Variants in SLC4A7 observed in about 807,000 individuals in gnomAD.
SLC4A7 encodes the protein solute carrier family 4 member 7.
A neutral mutation model predicts 137.6 loss-of-function variants in SLC4A7; 51 were observed. The ratio of observed to expected loss-of-function variants is 0.37; its 90% CI spans 0.30 to 0.47. The LOEUF is 0.47. SLC4A7 is among the 20% of genes least tolerant of loss of function. The pLI, the probability that SLC4A7 is intolerant of heterozygous loss-of-function variation, is 1.00. For missense variants in SLC4A7, 1,247 were observed against 1,525.4 expected, an observed-to-expected ratio of 0.82 and a Z score of 3.04; for synonymous variants, 542 against 518.6, an observed-to-expected ratio of 1.05 and a Z score of -0.61.
intron 23 of SLC4A7, among the ~76,000 whole-genome samples, chr3:27,385,157 C>T (rs942011036): frequency 6.6e-6 from 1 of 151,982 alleles, no homozygotes; most frequent in Non-Finnish European, 1.5e-5. Context: ...ATGTGTCTTT[C>T]TTATCTTTGA....
intron 13 of SLC4A7, among the ~76,000 whole-genome samples, chr3:27,406,121 A>G (rs976298856): frequency 6.6e-6 from 1 of 152,250 alleles, no homozygotes; most frequent in Non-Finnish European, 1.5e-5. Context: ...GCAACAGGCA[A>G]AGAGGAGGGC....
chr3:27,425,703 AAAAT>A (rs1355230133), intron 7 of SLC4A7, among the ~76,000 whole-genome samples: 43 of 145,814 alleles, frequency 2.9e-4, no homozygotes, highest in Non-Finnish European at 4.9e-4. Context: ...AAAAAAAAAA[AAAAT>A]TTAAATTCAA....
chr3:27,467,956 A>C (rs1220384683), intron 1 of SLC4A7, among the ~76,000 whole-genome samples: 1 of 152,214 alleles, frequency 6.6e-6, no homozygotes, highest in East Asian at 1.9e-4. Flanking sequence ...ATACTAGCCA[A>C]ATTTAGGATA....
At chr3:27,445,470 G>A (rs921214482) in intron 3 of SLC4A7, among the ~76,000 whole-genome samples, 6 of 152,022 alleles carry the variant, frequency 3.9e-5, no homozygotes, top group Non-Finnish European at 5.9e-5. Flanking sequence ...CCAAAGTCCT[G>A]TGCTGCCTCT....
At position 27,484,067 on chromosome 3, in the gene SLC4A7, C is replaced by T. The variant is rs527663353; in HGVS notation, c.60G>A (p.Arg20=). 153 of 1,409,264 alleles carry T rather than the reference C, an allele frequency of 1.1e-4. 1 individual carries two copies. The East Asian group carries it at 3.2e-3, about 29-fold the overall frequency. 87.3% of individuals were successfully genotyped at this position (1,409,264 alleles called of 1,614,324 possible). The change falls in exon 1 of 26, where the codon AGG becomes AGA. Residue 20 remains arginine, a splice_region_variant and synonymous_variant. Coordinates refer to ENST00000454389, the MANE Select transcript of SLC4A7 (RefSeq NM_001321103.2). Reference sequence around the variant, plus strand: ...AGCCCCACCGCCGCGGCGCCCTCACCCTGCTCGTTACCCGGGTGAGTAGCG... The same window carrying T: ...AGCCCCACCGCCGCGGCGCCCTCACTCTGCTCGTTACCCGGGTGAGTAGCG... ...MRPLLTRVTS[R]GPDEEAVVDL...
chr3:27,432,431 T>C (rs1279963997), intron 6 of SLC4A7, among the ~76,000 whole-genome samples: 6 of 152,206 alleles, frequency 3.9e-5, no homozygotes, highest in Admixed American at 3.3e-4. Context: ...AAAGTACTTC[T>C]CACCAACAAC....
intron 25 of SLC4A7, among the ~76,000 whole-genome samples, chr3:27,377,506 C>G (rs1192496092): frequency 1.3e-5 from 2 of 152,234 alleles, no homozygotes; most frequent in East Asian, 3.9e-4. Flanking sequence ...GATTCTCCTG[C>G]CCCAGCCTCC....
rs527462321 is a variant in SLC4A7 at position 27,434,640 on chromosome 3, A to G, written c.590-536T>C. ...CAAACAGATAAAACGTCATGAGGTC[A>G]TAAGTTCTAGGAAGAGGAGTAAAAT... On this transcript the variant is annotated intron_variant, in intron 5 of 25. Transcript: ENST00000454389. Among the ~76,000 whole-genome samples the G allele has an allele frequency of 9.2e-5, 14 of 152,336 alleles. No homozygotes were observed. The South Asian group carries it at 2.1e-3, about 23-fold the overall frequency.
chr3:27,424,794 G>A (rs180755646), intron 7 of SLC4A7, among the ~76,000 whole-genome samples: 27 of 152,230 alleles, frequency 1.8e-4, no homozygotes, highest in African/African-American at 5.8e-4. Context: ...TAACCAAAGG[G>A]ATCTGTGTTT....
At chr3:27,441,496 T>C (rs1194657056) in intron 3 of SLC4A7, among the ~76,000 whole-genome samples, 3 of 152,142 alleles carry the variant, frequency 2.0e-5, no homozygotes, top group African/African-American at 7.2e-5. Flanking sequence ...TTCTTCCTTT[T>C]TCATTTACTT....
chr3:27,413,933 T>C (rs563918543), intron 11 of SLC4A7, among the ~76,000 whole-genome samples: 1 of 152,188 alleles, frequency 6.6e-6, no homozygotes, highest in Non-Finnish European at 1.5e-5. Context: ...TACTTACAGA[T>C]TATTTGACTG....
intron 3 of SLC4A7, among the ~76,000 whole-genome samples, chr3:27,438,375 G>A (rs1425940053): frequency 6.6e-6 from 1 of 151,372 alleles, no homozygotes; most frequent in East Asian, 1.9e-4. Flanking sequence ...CATGGTGGTG[G>A]ACACCTGTAA....
rs931541474 is a variant in SLC4A7, at chr3:27,375,469, A to T, written c.*1295T>A. ...TAAAAAGATTTGTTAGACTTTAAAAAGCTCAGAAAAGCAAAAACTAATACA... is the reference window on the plus strand; with the variant it reads ...TAAAAAGATTTGTTAGACTTTAAAATGCTCAGAAAAGCAAAAACTAATACA... On this transcript the variant is annotated 3_prime_UTR_variant, in exon 26 of 26. Coordinates refer to ENST00000454389, the MANE Select transcript of SLC4A7 (RefSeq NM_001321103.2). The T allele has an allele frequency of 1.3e-5, 2 of 152,464 alleles. No homozygotes were observed. Among genetic ancestry groups the T allele is most frequent in the African/African-American group, 4.8e-5 (2 of 41,438 alleles). The allele number at this position is 152,464 out of a possible 1,614,324, so 9.4% of individuals were successfully genotyped here. A position where few individuals can be genotyped will look rare whatever the true frequency, so the allele number is the denominator to read the frequency against.
chr3:27,378,795 C>T (rs2050142364), intron 25 of SLC4A7, among the ~76,000 whole-genome samples: 1 of 152,214 alleles, frequency 6.6e-6, no homozygotes, highest in South Asian at 2.1e-4. Context: ...TATTCAATTA[C>T]AGTATTTAAT....
chr3:27,437,351 C>CAAA (rs538588474), intron 4 of SLC4A7, 37 bp downstream of exon 4: 19 of 1,112,596 alleles, frequency 1.7e-5, no homozygotes, highest in South Asian at 9.4e-5. Flanking sequence ...AACTCCATCT[C>CAAA]AAAAAAAAAA....
intron 12 of SLC4A7, among the ~76,000 whole-genome samples, chr3:27,409,804 T>C (rs2053730859): frequency 1.3e-5 from 2 of 152,174 alleles, no homozygotes; most frequent in African/African-American, 2.4e-5. Context: ...GTAAATGTAA[T>C]TTTGGACACA....
At chr3:27,431,884 A>C (rs527980713) in intron 6 of SLC4A7, among the ~76,000 whole-genome samples, 7 of 152,322 alleles carry the variant, frequency 4.6e-5, no homozygotes, top group African/African-American at 1.7e-4. Flanking sequence ...AACACATAAA[A>C]AAAAATTGTT....
intron 11 of SLC4A7, among the ~76,000 whole-genome samples, chr3:27,412,619 C>A (rs935565622): frequency 6.6e-6 from 1 of 152,100 alleles, no homozygotes; most frequent in Non-Finnish European, 1.5e-5. Context: ...TTCAAACTTA[C>A]ATCTTAAAGA....
chr3:27,469,823 T>A (rs368611993), intron 1 of SLC4A7, among the ~76,000 whole-genome samples: 1 of 152,230 alleles, frequency 6.6e-6, no homozygotes, highest in East Asian at 1.9e-4. Context: ...GATGATACAG[T>A]TGATAGTCTT....
Sources: gnomAD v4.1 joint callset for allele counts (sites outside exome capture counted in the v4.1 genomes callset) on GRCh38, gnomAD v4.1.1 for gene constraint, MANE v1.5 for transcripts, NCBI Gene and HGNC (gene_info 2026-07-23, HGNC 2026-07-21) for gene names.